Variants in MRPS27 observed in about 807,000 individuals in gnomAD.
MRPS27 encodes the protein mitochondrial ribosomal protein S27.
In MRPS27, 43 loss-of-function variants were observed where a neutral mutation model predicts 48.9. The ratio of observed to expected loss-of-function variants is 0.88; its 90% CI spans 0.69 to 1.13. The LOEUF (loss-of-function observed/expected upper bound fraction) is 1.13. MRPS27 is among the 50% of genes most tolerant of loss of function. The pLI, the probability that MRPS27 is intolerant of heterozygous loss-of-function variation, is 0.00. For missense variants in MRPS27, 467 were observed against 476.3 expected (o/e 0.98, Z 0.18); for synonymous variants, 188 against 171.9 (o/e 1.09, Z -0.73).
intron 2 of MRPS27, among the ~76,000 whole-genome samples, chr5:72,311,187 A>T (rs912247542): frequency 6.6e-6 from 1 of 152,180 alleles, no homozygotes; most frequent in African/African-American, 2.4e-5. Flanking sequence ...TTAATGTCAA[A>T]ATTTCCGAAG....
At chr5:72,260,312 T>C (rs1039408624) in intron 4 of MRPS27, among the ~76,000 whole-genome samples, 4 of 152,246 alleles carry the variant, frequency 2.6e-5, no homozygotes, top group African/African-American at 9.6e-5. Flanking sequence ...TTAAATCTTT[T>C]GTCCACCTGG....
At chr5:72,319,205 CTTTAAA>C (rs1477604605) in intron 1 of MRPS27, among the ~76,000 whole-genome samples, 4 of 152,164 alleles carry the variant, frequency 2.6e-5, no homozygotes, top group South Asian at 2.1e-4. Flanking sequence ...TCTATAAATA[CTTTAAA>C]ACTTTTTTCC....
chr5:72,220,978 T>C lies in MRPS27; in HGVS notation c.1176A>G (p.Arg392=). The C allele has an allele frequency of 6.2e-7, 1 of 1,614,202 alleles. No homozygotes were observed. The highest frequency in any genetic ancestry group is 8.5e-7 in the Non-Finnish European group (1 of 1,180,014). The stretch of plus-strand genomic sequence containing the variant: ...TCGCTTGCTCCCTCTGTTGCTGTTC[T>C]CTCTGGATCAACTGTACAAGGTCTA... ...WHLDLVQLIQ[R]EQQQREQAKQ... is the part of the protein sequence containing the mutation. Residue 392 remains arginine (R), a synonymous_variant, in exon 11 of 11, where the codon AGA becomes AGG. Coordinates refer to ENST00000261413, the MANE Select transcript of MRPS27 (RefSeq NM_015084.3).
chr5:72,239,038 T>C (rs1748282456), intron 4 of MRPS27, among the ~76,000 whole-genome samples: 1 of 152,110 alleles, frequency 6.6e-6, no homozygotes, highest in Admixed American at 6.6e-5. Context: ...CTATACTATA[T>C]CATGTTAGCT....
chr5:72,288,983 T>C (rs1240095921), intron 4 of MRPS27: 1 of 152,254 alleles, frequency 6.6e-6, no homozygotes, highest in Non-Finnish European at 1.5e-5. Context: ...GGTGGTGCTA[T>C]AGCCTTCCAA....
At chr5:72,317,772 TTGCC>T (rs1750601399) in intron 1 of MRPS27, among the ~76,000 whole-genome samples, 1 of 152,096 alleles carries the variant, frequency 6.6e-6, no homozygotes, top group Non-Finnish European at 1.5e-5. Context: ...ACTGCAACCT[TTGCC>T]TCCAGGGTTC....
At chr5:72,312,001 G>A (rs895264687) in intron 2 of MRPS27, among the ~76,000 whole-genome samples, 24 of 152,088 alleles carry the variant, frequency 1.6e-4, no homozygotes, top group East Asian at 7.7e-4. Flanking sequence ...GCGTGGTGGC[G>A]TGCGGCTGTA....
intron 4 of MRPS27, among the ~76,000 whole-genome samples, chr5:72,265,508 T>C (rs1749085650): frequency 6.6e-6 from 1 of 152,260 alleles, no homozygotes; most frequent in African/African-American, 2.4e-5. Flanking sequence ...AGATTAGTGA[T>C]ATCTGGCTGG....
chr5:72,284,045 C>T (rs1749600865), intron 4 of MRPS27, among the ~76,000 whole-genome samples: 1 of 152,016 alleles, frequency 6.6e-6, no homozygotes, highest in Non-Finnish European at 1.5e-5. Context: ...TGTTATAAAT[C>T]TTTCTGAAAT....
chr5:72,313,721 C>CA (rs1387503998), intron 2 of MRPS27, among the ~76,000 whole-genome samples: 1 of 151,920 alleles, frequency 6.6e-6, no homozygotes, highest in Non-Finnish European at 1.5e-5. Flanking sequence ...CTGAAGACCA[C>CA]AAGAGGAGTT....
In MRPS27 at chr5:72,226,044, C is replaced by A; in HGVS notation, c.837+13G>T. The A allele has an allele frequency of 6.2e-7, 1 of 1,607,588 alleles. No homozygotes were observed. Among genetic ancestry groups the A allele is most frequent in the Non-Finnish European group, 8.5e-7 (1 of 1,174,730 alleles). On this transcript the variant is annotated intron_variant, in intron 9 of 10. Transcript: ENST00000261413. The stretch of plus-strand genomic sequence containing the variant: ...ATGGCTAAATCTCACTGCCTTAGAG[C>A]TGAAGAACATACCGCTTCTCTACAC...
rs977783384 is a variant in MRPS27 at position 72,307,770 on chromosome 5, T to C, written c.151+6311A>G. ...ATAAGGGCTTCTGGAGCGGTAGGAA[T>C]GCTCTTGCTTCCTACACAGGTTTAC... On this transcript the variant is annotated intron_variant, in intron 2 of 10. Transcript: ENST00000261413. 6.6e-5 allele frequency: 10 copies of C among 152,332 alleles called. 1 individual carries two copies. Among genetic ancestry groups the C allele is most frequent in the African/African-American group, 2.4e-4 (10 of 41,570 alleles). 9.4% of individuals were successfully genotyped at this position (152,332 alleles called of 1,614,324 possible).
At chr5:72,280,984 C>T (rs1749519742) in intron 4 of MRPS27, among the ~76,000 whole-genome samples, 1 of 152,210 alleles carries the variant, frequency 6.6e-6, no homozygotes, top group Non-Finnish European at 1.5e-5. Flanking sequence ...ATGTGATATC[C>T]TTTCTAAATG....
At chr5:72,230,035 G>T (rs988337228) in intron 7 of MRPS27, among the ~76,000 whole-genome samples, 1 of 152,110 alleles carries the variant, frequency 6.6e-6, no homozygotes, top group Admixed American at 6.5e-5. Flanking sequence ...ATAGGCATGT[G>T]CCACCATGCC....
intron 7 of MRPS27, among the ~76,000 whole-genome samples, chr5:72,230,279 T>G (rs1748019653): frequency 1.3e-5 from 2 of 152,222 alleles, no homozygotes; most frequent in African/African-American, 4.8e-5. Flanking sequence ...TTCCATTTTA[T>G]GCTTTGCCTC....
chr5:72,271,468 A>C (rs1023121683), intron 4 of MRPS27, among the ~76,000 whole-genome samples: 2 of 152,240 alleles, frequency 1.3e-5, no homozygotes, highest in Non-Finnish European at 2.9e-5. Context: ...AAACAAAGGC[A>C]ATCTTAAAAA....
At chr5:72,231,419 GTCTTT>G (rs779126314) in intron 7 of MRPS27, among the ~76,000 whole-genome samples, 8 of 151,992 alleles carry the variant, frequency 5.3e-5, no homozygotes, top group Non-Finnish European at 1.0e-4. Context: ...CTATAATATA[GTCTTT>G]TCTTAGATTT....
chr5:72,234,589 C>T (rs142493617), intron 5 of MRPS27, among the ~76,000 whole-genome samples: 14 of 152,192 alleles, frequency 9.2e-5, no homozygotes, highest in African/African-American at 3.4e-4. Flanking sequence ...CATGAGAAAG[C>T]AGACATTACA....
rs1405948995 is a variant in MRPS27 at position 72,223,706 on chromosome 5, G to A, written c.982C>T (p.Pro328Ser). Residue 328 changes from proline (P) to serine (S), a missense_variant, in exon 10 of 11, where the codon CCT becomes TCT. Transcript: ENST00000261413. ...DIEETEQSKLPQYLERFKALH... is the reference protein window; with the variant it reads ...DIEETEQSKLSQYLERFKALH... ...ACCTTAAATCGTTCCAGGTATTGAG[G>A]AAGCTTGGACTGCTCTGTTTCCTCG... The A allele has an allele frequency of 1.9e-6, 3 of 1,613,994 alleles. No individual in the cohort carries two copies.
Sources: gnomAD v4.1 joint callset for allele counts (sites outside exome capture counted in the v4.1 genomes callset) on GRCh38, gnomAD v4.1.1 for gene constraint, MANE v1.5 for transcripts, NCBI Gene and HGNC (gene_info 2026-07-23, HGNC 2026-07-21) for gene names.